SMAD2: variants seen among roughly 807,000 people sequenced by gnomAD.
SMAD2 encodes the protein SMAD family member 2.
In SMAD2, 8 loss-of-function variants were observed where a neutral mutation model predicts 64.4. The ratio of observed to expected loss-of-function variants is 0.12; its 90% CI spans 0.07 to 0.22. The LOEUF is 0.22. Among genes scored for constraint, SMAD2 ranks in the 10% least tolerant of loss-of-function variants. The pLI, the probability that SMAD2 is intolerant of heterozygous loss-of-function variation, is 1.00. For missense variants in SMAD2, 289 were observed against 561.2 expected (o/e 0.51, Z 4.90); for synonymous variants, 203 against 195.8 (o/e 1.04, Z -0.31).
chr18:47,860,028 G>C (rs903181331), intron 6 of SMAD2, among the ~76,000 whole-genome samples: 2 of 151,970 alleles, frequency 1.3e-5, no homozygotes, highest in Admixed American at 6.6e-5. Flanking sequence ...CCAGCTTCTC[G>C]AGAGGCTAAA....
chr18:47,890,884 G>T (rs908420201), intron 2 of SMAD2, among the ~76,000 whole-genome samples: 6 of 152,098 alleles, frequency 3.9e-5, no homozygotes, highest in African/African-American at 9.7e-5. Flanking sequence ...AGCTATTCCT[G>T]GTTACCTAGA....
chr18:47,830,513 C>G lies in SMAD2; in HGVS notation c.*11314G>C, dbSNP rs1219825173. On this transcript the variant is annotated 3_prime_UTR_variant, in exon 11 of 11. Transcript: ENST00000262160. ...AATCACTTGAACCCAGGAGGCGAGG[C>G]TGCAGTGAGCCGAGATCGCCCCACT... 1 of 148,302 alleles carries G rather than the reference C, an allele frequency of 6.7e-6. No homozygotes were observed. The highest frequency in any genetic ancestry group is 1.5e-5 in the Non-Finnish European group (1 of 67,542). The allele number at this position is 148,302 out of a possible 1,614,324, so 9.2% of individuals were successfully genotyped here. A position where few individuals can be genotyped will look rare whatever the true frequency, so the allele number is the denominator to read the frequency against.
At chr18:47,926,677 G>C (rs1250442814) in intron 1 of SMAD2, among the ~76,000 whole-genome samples, 1 of 152,168 alleles carries the variant, frequency 6.6e-6, no homozygotes, top group Non-Finnish European at 1.5e-5. Context: ...TTAAGCTATG[G>C]ACTGGGACAA....
At chr18:47,863,180 A>C (rs1742809898) in intron 6 of SMAD2, among the ~76,000 whole-genome samples, 1 of 152,218 alleles carries the variant, frequency 6.6e-6, no homozygotes, top group South Asian at 2.1e-4. Flanking sequence ...ACTTTGTTCT[A>C]AATTGGAGCC....
At position 47,812,947 on chromosome 18, in the gene SMAD2, G is replaced by A. The variant is rs1321435839; in HGVS notation, c.*28880C>T. Reference sequence around the variant, plus strand: ...AAACTGGGTTCTGGCCAGGCAGGGTGACTCACACCTGTAATCCCAGCAGTT... The same window carrying A: ...AAACTGGGTTCTGGCCAGGCAGGGTAACTCACACCTGTAATCCCAGCAGTT... On this transcript the variant is annotated 3_prime_UTR_variant, in exon 11 of 11. Coordinates refer to ENST00000262160, the MANE Select transcript of SMAD2 (RefSeq NM_005901.6). 1 of 152,286 alleles carries A rather than the reference G, an allele frequency of 6.6e-6. No homozygotes were observed. The highest frequency in any genetic ancestry group is 2.4e-5 in the African/African-American group (1 of 41,452). 9.4% of individuals were successfully genotyped at this position (152,286 alleles called of 1,614,324 possible).
chr18:47,845,509 AT>A, intron 9 of SMAD2, 25 bp from the exon 10 acceptor site: 1 of 1,608,820 alleles, frequency 6.2e-7, no homozygotes. Context: ...GGTAAAAGAA[AT>A]TGTCAAAAGA....
At chr18:47,863,063 C>T (rs2031304401) in intron 6 of SMAD2, among the ~76,000 whole-genome samples, 1 of 151,658 alleles carries the variant, frequency 6.6e-6, no homozygotes, top group Admixed American at 6.6e-5. Context: ...CTCTGGTTGC[C>T]CTTTTAAAAA....
intron 6 of SMAD2, among the ~76,000 whole-genome samples, chr18:47,856,805 T>C (rs2030726182): frequency 1.3e-5 from 2 of 152,130 alleles, no homozygotes; most frequent in South Asian, 2.1e-4. Context: ...TTTTGCTAGA[T>C]GCAATTACAT....
intron 1 of SMAD2, among the ~76,000 whole-genome samples, chr18:47,917,726 A>C (rs2034392051): frequency 6.6e-6 from 1 of 152,122 alleles, no homozygotes; most frequent in African/African-American, 2.4e-5. Flanking sequence ...AAAACCATAA[A>C]GAATTTTTTT....
intron 1 of SMAD2, among the ~76,000 whole-genome samples, chr18:47,901,952 G>A (rs2033702963): frequency 1.3e-5 from 2 of 152,130 alleles, no homozygotes; most frequent in South Asian, 2.1e-4. Context: ...TTCCTCAAAC[G>A]CTTTCAACTC....
In SMAD2 at chr18:47,829,469, C is replaced by A. The variant is rs568489044; in HGVS notation, c.*12358G>T. 3 of 151,456 alleles carry A rather than the reference C, an allele frequency of 2.0e-5. No homozygotes were observed. The highest frequency in any genetic ancestry group is 4.8e-5 in the African/African-American group (2 of 41,362). 9.4% of individuals were successfully genotyped at this position (151,456 alleles called of 1,614,324 possible). A position where few individuals can be genotyped will look rare whatever the true frequency, so the allele number is the denominator to read the frequency against. On this transcript the variant is annotated 3_prime_UTR_variant, in exon 11 of 11. Coordinates refer to ENST00000262160, the MANE Select transcript of SMAD2 (RefSeq NM_005901.6). ...AAAGAGTGGATATAAAAAATATGCACCCACCTTCAATCAAATGCGATCTTT... is the reference window on the plus strand; with the variant it reads ...AAAGAGTGGATATAAAAAATATGCAACCACCTTCAATCAAATGCGATCTTT...
At position 47,826,976 on chromosome 18, in the gene SMAD2, G is replaced by A. The variant is rs561704040; in HGVS notation, c.*14851C>T. 2.0e-5 allele frequency: 3 copies of A among 152,176 alleles called. No homozygotes were observed. The highest frequency in any genetic ancestry group is 6.5e-5 in the Admixed American group (1 of 15,278). 9.4% of individuals were successfully genotyped at this position (152,176 alleles called of 1,614,324 possible). A position where few individuals can be genotyped will look rare whatever the true frequency, so the allele number is the denominator to read the frequency against. ...GGAGGAAATGAAGAACTTTAAGGTA[G>A]ACTGATGAAAAGATTTATCTAAAGT... On this transcript the variant is annotated 3_prime_UTR_variant, in exon 11 of 11. Transcript: ENST00000262160.
rs1393145859 is a variant in SMAD2 at position 47,815,765 on chromosome 18, G to T, written c.*26062C>A. 1 of 152,220 alleles carries T rather than the reference G, an allele frequency of 6.6e-6. No individual in the cohort carries two copies. Among genetic ancestry groups the T allele is most frequent in the Non-Finnish European group, 1.5e-5 (1 of 68,048 alleles). 9.4% of individuals were successfully genotyped at this position (152,220 alleles called of 1,614,324 possible). A position where few individuals can be genotyped will look rare whatever the true frequency, so the allele number is the denominator to read the frequency against. On this transcript the variant is annotated 3_prime_UTR_variant, in exon 11 of 11. Transcript: ENST00000262160. ...TGGCTGTGAATAGCAGGGATAGAAA[G>T]TAGTTATGGGGCTTGCAAGGACATT...
intron 10 of SMAD2, among the ~76,000 whole-genome samples, chr18:47,844,134 A>G (rs1363854877): frequency 6.6e-6 from 1 of 152,192 alleles, no homozygotes; most frequent in African/African-American, 2.4e-5. Flanking sequence ...TCACAAAATG[A>G]ATTATTCTAC....
chr18:47,851,202 C>T, intron 7 of SMAD2, 72 bp downstream of exon 7: 1 of 1,071,142 alleles, frequency 9.3e-7, no homozygotes, highest in South Asian at 1.3e-5. Context: ...AAAATAACTC[C>T]TAGAGATGAT....
At position 47,894,369 on chromosome 18, in the gene SMAD2, C is replaced by T. The variant is rs114558298; in HGVS notation, c.236+2152G>A. ...CTGACTTCTGAGCCTTCAGACCCTA[C>T]GGCACTTAAACGGCCCCAACCTCAC... On this transcript the variant is annotated intron_variant, in intron 2 of 10. Transcript: ENST00000262160. Among the ~76,000 whole-genome samples, 1,104 of 152,314 alleles carry T rather than the reference C, an allele frequency of 7.2e-3. 9 individuals carry two copies. Among genetic ancestry groups the T allele is most frequent in the African/African-American group, 0.022 (915 of 41,562 alleles).
chr18:47,811,871 A>G lies in SMAD2; in HGVS notation c.*29956T>C, dbSNP rs1912217367. On this transcript the variant is annotated 3_prime_UTR_variant, in exon 11 of 11. Coordinates refer to ENST00000262160, the MANE Select transcript of SMAD2 (RefSeq NM_005901.6). ...GAAGCATTTATTGCATGCCTACCATATATAAAGCACTGCTGGAAATGTTGA... is the reference window on the plus strand; with the variant it reads ...GAAGCATTTATTGCATGCCTACCATGTATAAAGCACTGCTGGAAATGTTGA... 1 of 152,252 alleles carries G rather than the reference A, an allele frequency of 6.6e-6. No individual in the cohort carries two copies. Among genetic ancestry groups the G allele is most frequent in the African/African-American group, 2.4e-5 (1 of 41,454 alleles). 9.4% of individuals were successfully genotyped at this position (152,252 alleles called of 1,614,324 possible).
chr18:47,869,185 T>C (rs2144376901), intron 4 of SMAD2, 58 bp downstream of exon 4: 5 of 1,262,252 alleles, frequency 4.0e-6, no homozygotes, highest in South Asian at 3.7e-5. Flanking sequence ...AGTACTTAAA[T>C]ATACTGAAGT....
rs563223599 is a variant in SMAD2, at chr18:47,818,691, G to A, written c.*23136C>T. On this transcript the variant is annotated 3_prime_UTR_variant, in exon 11 of 11. Coordinates refer to ENST00000262160, the MANE Select transcript of SMAD2 (RefSeq NM_005901.6). ...AATTCAGCCAGTCCTAGCTAAAAATGTAAGCATTTAAATATTAACATTAAA... is the reference window on the plus strand; with the variant it reads ...AATTCAGCCAGTCCTAGCTAAAAATATAAGCATTTAAATATTAACATTAAA... The A allele has an allele frequency of 6.6e-6, 1 of 152,190 alleles. No individual in the cohort carries two copies. The highest frequency in any genetic ancestry group is 2.4e-5 in the African/African-American group (1 of 41,452). 9.4% of individuals were successfully genotyped at this position (152,190 alleles called of 1,614,324 possible). A position where few individuals can be genotyped will look rare whatever the true frequency, so the allele number is the denominator to read the frequency against.
Sources: gnomAD v4.1 joint callset for allele counts (sites outside exome capture counted in the v4.1 genomes callset) on GRCh38, gnomAD v4.1.1 for gene constraint, MANE v1.5 for transcripts, NCBI Gene and HGNC (gene_info 2026-07-23, HGNC 2026-07-21) for gene names.